The following TIAM1 variants were observed in gnomAD, a reference collection of about 807,000 sequenced individuals.
TIAM1 encodes the protein rho guanine nucleotide exchange factor TIAM1.
In TIAM1, 65 loss-of-function variants were observed where a neutral mutation model predicts 163.5. That is an observed-to-expected ratio of 0.40 (90% CI 0.33 to 0.49). TIAM1 has a LOEUF of 0.49. Ranked by LOEUF, TIAM1 falls within the 20% of genes least tolerant of loss-of-function variation. The pLI, the probability that TIAM1 is intolerant of heterozygous loss-of-function variation, is 0.77. For synonymous variants in TIAM1, 833 were observed against 810.1 expected (o/e 1.03, Z -0.48); for missense variants, 1,789 against 2,044.7 (o/e 0.87, Z 2.41).
chr21:31,213,348 T>C lies in TIAM1; in HGVS notation c.2217+50A>G, dbSNP rs375495766. ...AAGACAACACTGCACCATGTATATG[T>C]TGATGCACTTGTGGTACTTTTAGAA... On this transcript the variant is annotated intron_variant, in intron 10 of 27. Coordinates refer to ENST00000541036, the MANE Select transcript of TIAM1 (RefSeq NM_001353694.2). 9.4e-6 allele frequency: 14 copies of C among 1,495,568 alleles called. No homozygotes were observed. In the East Asian group the frequency reaches 2.3e-4, roughly 24 times the overall value. The allele number at this position is 1,495,568 out of a possible 1,614,324, so 92.6% of individuals were successfully genotyped here. A position where few individuals can be genotyped will look rare whatever the true frequency, so the allele number is the denominator to read the frequency against.
chr21:31,226,143 A>G (rs2087958699), intron 6 of TIAM1, among the ~76,000 whole-genome samples, 193 bp from the exon 7 acceptor site: 1 of 151,760 alleles, frequency 6.6e-6, no homozygotes, highest in South Asian at 2.1e-4. Context: ...TCAGATGCCC[A>G]CTCTCCCCTC....
At chr21:31,315,068 A>G (rs969703525) in intron 2 of TIAM1, among the ~76,000 whole-genome samples, 2 of 152,196 alleles carry the variant, frequency 1.3e-5, no homozygotes, top group Non-Finnish European at 2.9e-5. Context: ...TTGGTTAAAT[A>G]TAAATAAAAT....
At chr21:31,329,161 C>A (rs530310173) in intron 2 of TIAM1, among the ~76,000 whole-genome samples, 20 of 152,264 alleles carry the variant, frequency 1.3e-4, no homozygotes, top group South Asian at 4.2e-4. Context: ...ACGAACCCCC[C>A]ACAAATACGC....
intron 1 of TIAM1, among the ~76,000 whole-genome samples, chr21:31,495,491 A>G (rs1257821107): frequency 6.6e-6 from 1 of 152,156 alleles, no homozygotes; most frequent in African/African-American, 2.4e-5. Context: ...ACGACAGAGG[A>G]GCCTCCACGG....
chr21:31,279,851 CA>C (rs1228221786), intron 2 of TIAM1, among the ~76,000 whole-genome samples: 1 of 152,194 alleles, frequency 6.6e-6, no homozygotes, highest in African/African-American at 2.4e-5. Flanking sequence ...GCTTCCTTAG[CA>C]AAATGATACC....
At chr21:31,463,753 G>A (rs2045420170) in intron 2 of TIAM1, among the ~76,000 whole-genome samples, 1 of 151,624 alleles carries the variant, frequency 6.6e-6, no homozygotes, top group African/African-American at 2.4e-5. Context: ...AGGAGGCGGA[G>A]GTTGCAGTGA....
intron 2 of TIAM1, among the ~76,000 whole-genome samples, chr21:31,335,824 G>A (rs1176638259): frequency 6.6e-6 from 1 of 152,172 alleles, no homozygotes; most frequent in Non-Finnish European, 1.5e-5. Context: ...CAAGATGTGT[G>A]GGAACAGTCA....
At chr21:31,268,438 C>T (rs1302753502) in intron 3 of TIAM1, among the ~76,000 whole-genome samples, 1 of 152,190 alleles carries the variant, frequency 6.6e-6, no homozygotes, top group African/African-American at 2.4e-5. Context: ...CAGGCTAAAA[C>T]GTTGCTGAAA....
chr21:31,236,777 C>T (rs527468239), intron 6 of TIAM1, among the ~76,000 whole-genome samples: 27 of 152,220 alleles, frequency 1.8e-4, no homozygotes, highest in African/African-American at 6.3e-4. Context: ...ACAAGGACAA[C>T]GGGAACCTCA....
At chr21:31,333,242 C>T (rs1456438608) in intron 2 of TIAM1, among the ~76,000 whole-genome samples, 1 of 152,148 alleles carries the variant, frequency 6.6e-6, no homozygotes, top group East Asian at 1.9e-4. Flanking sequence ...GCTGCTGAGC[C>T]TAGTCCAGGC....
chr21:31,134,401 C>T lies in TIAM1; in HGVS notation c.3883+1532G>A, dbSNP rs762281320. 1.1e-4 allele frequency among the ~76,000 whole-genome samples: 17 copies of T among 152,086 alleles called. 1 individual carries two copies. The highest frequency in any genetic ancestry group is 2.5e-4 in the Non-Finnish European group (17 of 68,024). On this transcript the variant is annotated intron_variant, in intron 23 of 27. Transcript: ENST00000541036. ...TTGAAAAGAAAGCAAATACTACTTC[C>T]CCCCTCCCCCAAAACACCTACCCCA...
chr21:31,161,056 TG>T (rs2083896884), intron 16 of TIAM1: 1 of 152,004 alleles, frequency 6.6e-6, no homozygotes, highest in Admixed American at 6.6e-5. Flanking sequence ...TGTGTGTGTG[TG>T]TGTGTGTGTG....
chr21:31,140,957 T>A (rs1433953663), intron 22 of TIAM1, among the ~76,000 whole-genome samples, 161 bp downstream of exon 22: 3 of 152,194 alleles, frequency 2.0e-5, no homozygotes, highest in African/African-American at 7.2e-5. Flanking sequence ...AAAATTCACA[T>A]TGCAGCCTTG....
At chr21:31,512,594 CCTGT>C (rs1056639052) in intron 1 of TIAM1, among the ~76,000 whole-genome samples, 20 of 150,656 alleles carry the variant, frequency 1.3e-4, no homozygotes, top group African/African-American at 4.6e-4. Flanking sequence ...CAAAGACAGT[CCTGT>C]CTTTTTCTTT....
chr21:31,186,669 G>A (rs113340485), intron 14 of TIAM1, among the ~76,000 whole-genome samples: 6 of 152,150 alleles, frequency 3.9e-5, no homozygotes, highest in African/African-American at 1.4e-4. Flanking sequence ...CTCCCCTAGC[G>A]ACCTGGGGGG....
intron 1 of TIAM1, among the ~76,000 whole-genome samples, chr21:31,470,819 G>A (rs561725746): frequency 3.9e-5 from 6 of 152,164 alleles, no homozygotes; most frequent in African/African-American, 9.7e-5. Context: ...GAGAGGAACC[G>A]GCAGGTGGTG....
chr21:31,426,266 T>C (rs1281228651), intron 2 of TIAM1, among the ~76,000 whole-genome samples: 1 of 152,184 alleles, frequency 6.6e-6, no homozygotes, highest in Non-Finnish European at 1.5e-5. Flanking sequence ...GTAGCTGGCG[T>C]AGCAATGAAA....
At chr21:31,219,646 A>G (rs536359110) in intron 8 of TIAM1, among the ~76,000 whole-genome samples, 1 of 152,294 alleles carries the variant, frequency 6.6e-6, no homozygotes, top group Admixed American at 6.5e-5. Flanking sequence ...AGGGTATTAG[A>G]GGGAAGGTTT....
At position 31,447,569 on chromosome 21, in the gene TIAM1, C is replaced by A. The variant is rs970184659; in HGVS notation, c.-369+16414G>T. 5.5e-4 allele frequency among the ~76,000 whole-genome samples: 84 copies of A among 152,204 alleles called. 2 individuals are homozygous for A. Among genetic ancestry groups the A allele is most frequent in the African/African-American group, 1.9e-3 (78 of 41,554 alleles). On this transcript the variant is annotated intron_variant, in intron 2 of 28. Transcript: ENST00000286827. ...AAAGGAGGAAAAATATGAGAGTGATCTGAATGTGTTAAAAACTGAACTGTG... is the reference window on the plus strand; with the variant it reads ...AAAGGAGGAAAAATATGAGAGTGATATGAATGTGTTAAAAACTGAACTGTG...
Sources: gnomAD v4.1 joint callset for allele counts (sites outside exome capture counted in the v4.1 genomes callset) on GRCh38, gnomAD v4.1.1 for gene constraint, MANE v1.5 for transcripts, NCBI Gene and HGNC (gene_info 2026-07-23, HGNC 2026-07-21) for gene names.